The following SNX13 variants were observed in gnomAD, a reference collection of about 807,000 sequenced individuals.
SNX13 encodes the protein sorting nexin-13.
A neutral mutation model predicts 133.6 loss-of-function variants in SNX13; 45 were observed. The observed-to-expected ratio is 0.34, with a 90% CI of 0.27 to 0.43. The LOEUF is 0.43. Among genes scored for constraint, SNX13 ranks in the 20% least tolerant of loss-of-function variants. The probability of loss-of-function intolerance (pLI) is 1.00; values close to 1 mark genes in which losing one functional copy is unlikely to be tolerated. For synonymous variants in SNX13, 414 were observed against 373.9 expected (o/e 1.11, Z -1.24); for missense variants, 1,032 against 1,145.1 (o/e 0.90, Z 1.43).
chr7:17,893,747 G>C (rs922698769), intron 2 of SNX13, among the ~76,000 whole-genome samples: 1 of 152,146 alleles, frequency 6.6e-6, no homozygotes, highest in Non-Finnish European at 1.5e-5. Context: ...GGCCAAGACA[G>C]GAGGATCACA....
At chr7:17,905,683 G>C (rs984304527) in intron 1 of SNX13, among the ~76,000 whole-genome samples, 15 of 152,168 alleles carry the variant, frequency 9.9e-5, no homozygotes, top group African/African-American at 3.4e-4. Flanking sequence ...CAAATGTTGA[G>C]GCTGCTCAAC....
intron 9 of SNX13, among the ~76,000 whole-genome samples, chr7:17,864,781 G>A (rs1420583051): frequency 6.7e-6 from 1 of 150,222 alleles, no homozygotes. Flanking sequence ...AGAAGGAGAA[G>A]GAGGAGAAGG....
At position 17,799,044 on chromosome 7, in the gene SNX13, C is replaced by A; in HGVS notation, c.2409G>T (p.Gln803His). The A allele has an allele frequency of 6.2e-7, 1 of 1,610,548 alleles. No individual in the cohort carries two copies. Among genetic ancestry groups the A allele is most frequent in the South Asian group, 1.1e-5 (1 of 90,886 alleles). ...LRRNIKNLLQQLIRATYGDTI... is the reference protein window; with the variant it reads ...LRRNIKNLLQHLIRATYGDTI... ...TATCGCCATATGTAGCTCTAATAAG[C>A]TGTTGAAGTAGGTTTTTGATATTCC... The change falls in exon 23 of 26, where the codon CAG becomes CAT. Residue 803 changes from glutamine to histidine, a missense_variant. By Grantham distance (24) the Gln-to-His change is conservative. Transcript: ENST00000428135.
intron 15 of SNX13, chr7:17,830,889 C>A (rs1050045381): frequency 1.0e-6 from 1 of 984,220 alleles, no homozygotes; most frequent in African/African-American, 1.8e-5. Flanking sequence ...AGCAACACTA[C>A]TATTCCTACA....
intron 1 of SNX13, among the ~76,000 whole-genome samples, chr7:17,915,360 T>G (rs748840431): frequency 3.3e-5 from 5 of 152,190 alleles, no homozygotes; most frequent in Non-Finnish European, 5.9e-5. Context: ...AGCAAAACCC[T>G]GATTACAGCC....
chr7:17,908,769 T>C (rs1374355731), intron 1 of SNX13, among the ~76,000 whole-genome samples: 2 of 152,206 alleles, frequency 1.3e-5, no homozygotes, highest in Non-Finnish European at 2.9e-5. Context: ...GGAGACAACA[T>C]ACATATAATT....
At chr7:17,804,623 C>G (rs1422812882) in intron 20 of SNX13, among the ~76,000 whole-genome samples, 2 of 151,616 alleles carry the variant, frequency 1.3e-5, no homozygotes, top group East Asian at 3.9e-4. Context: ...AAAGAGACAT[C>G]TAAAGAAACC....
intron 1 of SNX13, among the ~76,000 whole-genome samples, chr7:17,934,492 T>C (rs1052116895): frequency 2.0e-5 from 3 of 152,120 alleles, no homozygotes; most frequent in Admixed American, 6.5e-5. Flanking sequence ...TGAGTCTGAG[T>C]AGACTACCTG....
intron 5 of SNX13, among the ~76,000 whole-genome samples, chr7:17,883,735 C>T (rs1795642632): frequency 6.6e-6 from 1 of 151,976 alleles, no homozygotes; most frequent in African/African-American, 2.4e-5. Context: ...CAAGAGGCCC[C>T]GGTGTGTGAT....
chr7:17,809,498 T>C (rs1015922668), intron 20 of SNX13, among the ~76,000 whole-genome samples: 2 of 152,172 alleles, frequency 1.3e-5, no homozygotes, highest in South Asian at 2.1e-4. Flanking sequence ...CAAAGAGACT[T>C]AGAGTCCCAC....
At chr7:17,858,195 G>A (rs999620616) in intron 9 of SNX13, among the ~76,000 whole-genome samples, 1 of 152,094 alleles carries the variant, frequency 6.6e-6, no homozygotes, top group African/African-American at 2.4e-5. Flanking sequence ...AGGCAAGAGA[G>A]AAATAAAGAG....
intron 13 of SNX13, among the ~76,000 whole-genome samples, chr7:17,837,076 C>G (rs1215352084): frequency 6.6e-6 from 1 of 151,836 alleles, no homozygotes; most frequent in Non-Finnish European, 1.5e-5. Context: ...TTTTCAAGCC[C>G]ACCTCACACT....
At chr7:17,823,066 C>T (rs1167277760) in intron 17 of SNX13, among the ~76,000 whole-genome samples, 3 of 152,172 alleles carry the variant, frequency 2.0e-5, no homozygotes, top group African/African-American at 7.2e-5. Context: ...CATCCCATGG[C>T]CTTGGCCCAT....
intron 9 of SNX13, 25 bp downstream of exon 9, chr7:17,868,382 A>G: frequency 6.6e-7 from 1 of 1,508,710 alleles, no homozygotes; most frequent in Non-Finnish European, 9.1e-7. Flanking sequence ...TCTAAAACAG[A>G]GTTGTAATTT....
At chr7:17,906,173 A>G (rs933979442) in intron 1 of SNX13, among the ~76,000 whole-genome samples, 1 of 152,226 alleles carries the variant, frequency 6.6e-6, no homozygotes, top group African/African-American at 2.4e-5. Context: ...AGATGGCACT[A>G]GCCATGAATT....
intron 3 of SNX13, among the ~76,000 whole-genome samples, chr7:17,893,011 T>G (rs948528674): frequency 1.6e-4 from 25 of 152,202 alleles, no homozygotes; most frequent in African/African-American, 6.0e-4. Context: ...ACCAGAATAC[T>G]CATTGACATT....
chr7:17,891,785 C>T, intron 3 of SNX13, 150 bp from the exon 4 acceptor site: 1 of 505,974 alleles, frequency 2.0e-6, no homozygotes, highest in East Asian at 3.2e-5. Context: ...AAGCCAAACA[C>T]TATTTCTCAA....
At chr7:17,876,335 C>A (rs1264194686) in intron 5 of SNX13, among the ~76,000 whole-genome samples, 2 of 152,216 alleles carry the variant, frequency 1.3e-5, no homozygotes, top group Non-Finnish European at 2.9e-5. Context: ...AATCCCAACA[C>A]TTTGGGAGGC....
intron 21 of SNX13, among the ~76,000 whole-genome samples, chr7:17,803,141 C>A (rs1467949670): frequency 6.6e-6 from 1 of 152,080 alleles, no homozygotes; most frequent in Non-Finnish European, 1.5e-5. Context: ...TGAAATAAAA[C>A]AAGATAAAGA....
Sources: allele counts gnomAD v4.1 joint callset (sites outside exome capture counted in the v4.1 genomes callset), GRCh38; gene constraint gnomAD v4.1.1; transcripts MANE v1.5; gene names NCBI Gene and HGNC (gene_info 2026-07-23, HGNC 2026-07-21).